Variants in TXNRD3 observed in about 807,000 individuals in gnomAD.
TXNRD3 encodes the protein TXNRD3 neighbor gene protein.
A neutral mutation model predicts 78.2 loss-of-function variants in TXNRD3; 68 were observed. The observed-to-expected ratio is 0.87, with a 90% CI of 0.72 to 1.06. The LOEUF (loss-of-function observed/expected upper bound fraction) is 1.06. TXNRD3 is among the 50% of genes least tolerant of loss of function. TXNRD3 has a pLI of 0.00. For synonymous variants in TXNRD3, 296 were observed against 300.1 expected (o/e 0.99, Z 0.14); for missense variants, 751 against 809.5 (o/e 0.93, Z 0.88).
chr3:126,654,055 G>A (rs937181353), intron 1 of TXNRD3, among the ~76,000 whole-genome samples: 4 of 151,624 alleles, frequency 2.6e-5, no homozygotes, highest in South Asian at 2.1e-4. Context: ...TTTGCATAGT[G>A]GTTAACCCTG....
chr3:126,626,685 T>C (rs1938586696), intron 10 of TXNRD3, among the ~76,000 whole-genome samples: 1 of 152,206 alleles, frequency 6.6e-6, no homozygotes. Context: ...ATATAGCTGA[T>C]GGAAATACAA....
In TXNRD3 at chr3:126,655,086, T is replaced by A. The variant is rs1308196195; in HGVS notation, c.-96A>T. The A allele has an allele frequency of 1.6e-5, 21 of 1,298,722 alleles. No individual in the cohort carries two copies. The highest frequency in any genetic ancestry group is 2.0e-6 in the Non-Finnish European group (2 of 1,023,464). The allele number at this position is 1,298,722 out of a possible 1,614,324, so 80.4% of individuals were successfully genotyped here. On this transcript the variant is annotated 5_prime_UTR_variant, in exon 1 of 16. Coordinates refer to ENST00000524230, the MANE Select transcript of TXNRD3 (RefSeq NM_052883.3). ...ACGGGGCCTGAGGGGCGGCGAACGC[T>A]GCCCTCGCTGGCCACTCTCACCACC... is the stretch of plus-strand genomic sequence containing the variant.
Position 126,630,776 on chromosome 3 carries a change from T to C in TXNRD3, c.1133A>G (p.Glu378Gly), listed in dbSNP as rs1452469786. The change falls in exon 9 of 16, where the codon GAA becomes GGA. Residue 378 changes from glutamate to glycine, a missense_variant. Transcript: ENST00000524230. ...CTGCTCCATGTAGGAACCCACTTTT[T>C]CTGCCATTTCTTGGTCGAAGCCACG... 1 of 1,534,788 alleles carries C rather than the reference T, an allele frequency of 6.5e-7. No homozygotes were observed. The highest frequency in any genetic ancestry group is 1.2e-5 in the South Asian group (1 of 83,986).
chr3:126,613,796 T>C (rs1938248075), intron 13 of TXNRD3, among the ~76,000 whole-genome samples: 1 of 152,260 alleles, frequency 6.6e-6, no homozygotes, highest in Non-Finnish European at 1.5e-5. Context: ...TAATACTTGA[T>C]AAAGATAATA....
intron 13 of TXNRD3, 27 bp from the exon 14 acceptor site, chr3:126,611,159 C>A: frequency 7.1e-7 from 1 of 1,402,278 alleles, no homozygotes; most frequent in Non-Finnish European, 9.6e-7. Context: ...AGAAAAAGGG[C>A]AGAATTAATG....
intron 5 of TXNRD3, among the ~76,000 whole-genome samples, chr3:126,642,581 C>T (rs1227326513): frequency 1.3e-5 from 2 of 152,186 alleles, no homozygotes; most frequent in Non-Finnish European, 2.9e-5. Context: ...AAATGGATTA[C>T]GCAAAACGGA....
intron 10 of TXNRD3, among the ~76,000 whole-genome samples, chr3:126,627,247 A>G (rs1938599893): frequency 6.6e-6 from 1 of 152,256 alleles, no homozygotes; most frequent in African/African-American, 2.4e-5. Context: ...ACTGATGCAC[A>G]CAACATGGAT....
intron 1 of TXNRD3, among the ~76,000 whole-genome samples, chr3:126,647,791 C>T (rs985705913): frequency 2.6e-5 from 4 of 152,168 alleles, no homozygotes; most frequent in Non-Finnish European, 5.9e-5. Context: ...GCCATGATCA[C>T]ACCACTTCAC....
At chr3:126,633,844 G>T in intron 7 of TXNRD3, 65 bp downstream of exon 7, 5 of 1,341,982 alleles carry the variant, frequency 3.7e-6, no homozygotes, top group Non-Finnish European at 4.8e-6. Context: ...TGAAATTTTA[G>T]TTGAAGGCAA....
In TXNRD3 at chr3:126,607,195, C is replaced by T. The variant is rs960692370; in HGVS notation, c.*710G>A. ...TTAAGATGAACATGAAAAAGCAATT[C>T]AAGTACTTTTATCTTACATGAGATA... is the stretch of plus-strand genomic sequence containing the variant. On this transcript the variant is annotated 3_prime_UTR_variant, in exon 16 of 16. Coordinates refer to ENST00000524230, the MANE Select transcript of TXNRD3 (RefSeq NM_052883.3). 1 of 152,118 alleles carries T rather than the reference C, an allele frequency of 6.6e-6. No individual in the cohort carries two copies. Among genetic ancestry groups the T allele is most frequent in the African/African-American group, 2.4e-5 (1 of 41,418 alleles). The allele number at this position is 152,118 out of a possible 1,614,324, so 9.4% of individuals were successfully genotyped here. A position where few individuals can be genotyped will look rare whatever the true frequency, so the allele number is the denominator to read the frequency against.
At position 126,655,122 on chromosome 3, in the gene TXNRD3, C is replaced by T. The variant is rs1484010446; in HGVS notation, c.-132G>A. ...GCCACTCTCACCACCCGCGCGAATC[C>T]GCGAGGCAGCCGCTCGCCCCGCCCC... is the stretch of plus-strand genomic sequence containing the variant. On this transcript the variant is annotated 5_prime_UTR_variant, in exon 1 of 16. Coordinates refer to ENST00000524230, the MANE Select transcript of TXNRD3 (RefSeq NM_052883.3). 3.1e-6 allele frequency: 4 copies of T among 1,289,104 alleles called. No homozygotes were observed. The highest frequency in any genetic ancestry group is 3.9e-6 in the Non-Finnish European group (4 of 1,016,502). The allele number at this position is 1,289,104 out of a possible 1,614,324, so 79.9% of individuals were successfully genotyped here. A position where few individuals can be genotyped will look rare whatever the true frequency, so the allele number is the denominator to read the frequency against.
chr3:126,623,921 T>C (rs915855793), intron 10 of TXNRD3, among the ~76,000 whole-genome samples: 1 of 151,750 alleles, frequency 6.6e-6, no homozygotes, highest in East Asian at 1.9e-4. Flanking sequence ...TTTTTATTTG[T>C]AGATATGAAT....
In TXNRD3 at chr3:126,654,608, G is replaced by A. The variant is rs1388242376; in HGVS notation, c.243+140C>T. ...AAGCCCACCTCAGGGGACGACCGGG[G>A]AGAGGAGAGGACGGACGGCTGACCT... is the stretch of plus-strand genomic sequence containing the variant. On this transcript the variant is annotated intron_variant, in intron 1 of 15. Transcript: ENST00000524230. The A allele has an allele frequency of 1.1e-5, 4 of 360,570 alleles. No individual in the cohort carries two copies. In the East Asian group the frequency reaches 1.9e-4, roughly 18 times the overall value. The allele number at this position is 360,570 out of a possible 1,614,324, so 22.3% of individuals were successfully genotyped here.
At position 126,632,538 on chromosome 3, in the gene TXNRD3, C is replaced by T. The variant is rs934410410; in HGVS notation, c.856-659G>A. Among the ~76,000 whole-genome samples, 3 of 151,272 alleles carry T rather than the reference C, an allele frequency of 2.0e-5. No individual in the cohort carries two copies. The South Asian group carries it at 6.3e-4, about 32-fold the overall frequency. ...AGCTGGGCATGGTGGTATATGCCTG[C>T]AATCCCAGCTACTTGGGAGGCTGAG... On this transcript the variant is annotated intron_variant, in intron 7 of 15. Transcript: ENST00000524230.
At chr3:126,647,435 T>C in intron 1 of TXNRD3, 139 bp from the exon 2 acceptor site, 2 of 647,982 alleles carry the variant, frequency 3.1e-6, no homozygotes, top group South Asian at 4.1e-5. Context: ...TTTGTTTTTG[T>C]TTTTGATTTT....
intron 10 of TXNRD3, among the ~76,000 whole-genome samples, chr3:126,622,965 T>C (rs906707275): frequency 5.9e-5 from 9 of 152,068 alleles, no homozygotes; most frequent in South Asian, 2.1e-4. Context: ...AAGACAGTCA[T>C]GTACAAGCCT....
At chr3:126,623,181 C>G (rs1938497231) in intron 10 of TXNRD3, among the ~76,000 whole-genome samples, 1 of 152,150 alleles carries the variant, frequency 6.6e-6, no homozygotes, top group South Asian at 2.1e-4. Flanking sequence ...ATGTCCTATA[C>G]CATTAAAGAA....
intron 6 of TXNRD3, among the ~76,000 whole-genome samples, chr3:126,639,598 C>T (rs1310469628): frequency 6.6e-6 from 1 of 152,134 alleles, no homozygotes; most frequent in Non-Finnish European, 1.5e-5. Context: ...GAGACAAGAT[C>T]TCATTCTGTT....
At chr3:126,609,693 C>T (rs1938147685) in intron 14 of TXNRD3, among the ~76,000 whole-genome samples, 2 of 152,096 alleles carry the variant, frequency 1.3e-5, no homozygotes, top group South Asian at 4.1e-4. Flanking sequence ...GCCTAGGGAT[C>T]TGGGCGGGAG....
Sources: allele counts gnomAD v4.1 joint callset (sites outside exome capture counted in the v4.1 genomes callset), GRCh38; gene constraint gnomAD v4.1.1; transcripts MANE v1.5; gene names NCBI Gene and HGNC (gene_info 2026-07-23, HGNC 2026-07-21).